The following KCNIP4 variants were observed in gnomAD, a reference collection of about 807,000 sequenced individuals.
KCNIP4 encodes potassium voltage-gated channel interacting protein 4, also known as Kv channel-interacting protein 4.
Under a neutral mutation model 34.0 loss-of-function variants are expected in KCNIP4, and 12 were observed. The observed-to-expected ratio is 0.35, with a 90% CI of 0.23 to 0.57. The LOEUF is 0.57. Among genes scored for constraint, KCNIP4 ranks in the 20% least tolerant of loss-of-function variants. The probability of loss-of-function intolerance (pLI) is 0.83; values close to 1 mark genes in which losing one functional copy is unlikely to be tolerated. For missense variants in KCNIP4, 238 were observed against 311.7 expected, an observed-to-expected ratio of 0.76 and a Z score of 1.78; for synonymous variants, 124 against 102.2, an observed-to-expected ratio of 1.21 and a Z score of -1.29.
chr4:21,013,650 A>G (rs1179252870), intron 1 of KCNIP4, among the ~76,000 whole-genome samples: 1 of 152,142 alleles, frequency 6.6e-6, no homozygotes, highest in Non-Finnish European at 1.5e-5. Context: ...CACAAGATAA[A>G]GCTTCTTTGA....
chr4:21,759,801 T>G (rs1717923500), intron 1 of KCNIP4, among the ~76,000 whole-genome samples: 1 of 152,052 alleles, frequency 6.6e-6, no homozygotes, highest in Admixed American at 6.6e-5. Flanking sequence ...CACCTGTCCT[T>G]GTAAACTGCT....
intron 1 of KCNIP4, among the ~76,000 whole-genome samples, chr4:21,508,449 C>A (rs1734035709): frequency 6.6e-6 from 1 of 152,178 alleles, no homozygotes; most frequent in Admixed American, 6.6e-5. Flanking sequence ...CCCTCTTCCA[C>A]CAAGTATGAG....
At chr4:20,997,794 A>G (rs1246693128) in intron 1 of KCNIP4, among the ~76,000 whole-genome samples, 1 of 152,200 alleles carries the variant, frequency 6.6e-6, no homozygotes, top group African/African-American at 2.4e-5. Flanking sequence ...ATTATTGCCA[A>G]GTACAAAAGA....
At chr4:21,126,403 A>G (rs1750615097) in intron 1 of KCNIP4, among the ~76,000 whole-genome samples, 1 of 152,066 alleles carries the variant, frequency 6.6e-6, no homozygotes, top group South Asian at 2.1e-4. Context: ...TGGTAGTGAG[A>G]GCGACTACAA....
chr4:21,601,454 T>G (rs1174494195), intron 1 of KCNIP4, among the ~76,000 whole-genome samples: 1 of 151,916 alleles, frequency 6.6e-6, no homozygotes, highest in Admixed American at 6.6e-5. Flanking sequence ...CACTCCAACT[T>G]AAATCACCAT....
chr4:20,735,291 G>T (rs936419679), intron 5 of KCNIP4, among the ~76,000 whole-genome samples: 2 of 152,066 alleles, frequency 1.3e-5, no homozygotes, highest in Non-Finnish European at 2.9e-5. Context: ...GTGTCTTCAG[G>T]CAACTTAACA....
chr4:20,924,951 G>C (rs1729750014), intron 1 of KCNIP4, among the ~76,000 whole-genome samples: 2 of 152,122 alleles, frequency 1.3e-5, no homozygotes, highest in African/African-American at 4.8e-5. Flanking sequence ...TATGGACTCA[G>C]TACACAGGAA....
At chr4:21,832,745 C>G (rs374030769) in intron 1 of KCNIP4, among the ~76,000 whole-genome samples, 1 of 114,466 alleles carries the variant, frequency 8.7e-6, no homozygotes, top group Admixed American at 9.8e-5. Context: ...CCCCCCTCCC[C>G]CCACCCCACA....
chr4:21,122,375 G>C (rs1750237494), intron 1 of KCNIP4, among the ~76,000 whole-genome samples: 1 of 148,928 alleles, frequency 6.7e-6, no homozygotes, highest in Non-Finnish European at 1.5e-5. Context: ...CAGTTATTCA[G>C]GGTTAAATTG....
At chr4:21,307,154 C>T (rs1712575932) in intron 1 of KCNIP4, among the ~76,000 whole-genome samples, 1 of 152,164 alleles carries the variant, frequency 6.6e-6, no homozygotes, top group African/African-American at 2.4e-5. Flanking sequence ...TATTGAAGAG[C>T]ATCAGAGTGA....
chr4:21,247,605 G>GTA (rs1269390474), intron 1 of KCNIP4, among the ~76,000 whole-genome samples: 18 of 116,288 alleles, frequency 1.5e-4, no homozygotes, highest in African/African-American at 6.1e-4. Context: ...ACCACAGATG[G>GTA]TATATATATT....
At chr4:20,949,462 G>T (rs948580515) in intron 1 of KCNIP4, among the ~76,000 whole-genome samples, 2 of 152,094 alleles carry the variant, frequency 1.3e-5, no homozygotes, top group Non-Finnish European at 1.5e-5. Flanking sequence ...ATTCCTCAGG[G>T]ATCTAGAACT....
intron 3 of KCNIP4, among the ~76,000 whole-genome samples, chr4:20,842,620 TGGTTTTAAGTA>T (rs1438168335): frequency 1.4e-5 from 2 of 141,184 alleles, no homozygotes; most frequent in African/African-American, 5.8e-5. Flanking sequence ...AGCCAGCAAT[TGGTTTTAAGTA>T]GGAACTGACT....
chr4:21,139,959 T>A (rs6448029), intron 1 of KCNIP4, among the ~76,000 whole-genome samples: 1 of 151,916 alleles, frequency 6.6e-6, no homozygotes, highest in African/African-American at 2.4e-5. Flanking sequence ...TCTAACATAC[T>A]GAGCTTCTCA....
chr4:21,430,931 A>T (rs1411863148), intron 1 of KCNIP4, among the ~76,000 whole-genome samples: 1 of 152,112 alleles, frequency 6.6e-6, no homozygotes, highest in Non-Finnish European at 1.5e-5. Flanking sequence ...TTTCCAAAAA[A>T]AAAAGGCATT....
At chr4:21,479,169 G>C (rs1000863078) in intron 1 of KCNIP4, among the ~76,000 whole-genome samples, 1 of 152,164 alleles carries the variant, frequency 6.6e-6, no homozygotes, top group East Asian at 1.9e-4. Context: ...GTATCTGCAG[G>C]GCATAAGTCT....
At chr4:21,885,907 C>T (rs972737771) in intron 1 of KCNIP4, among the ~76,000 whole-genome samples, 3 of 152,272 alleles carry the variant, frequency 2.0e-5, no homozygotes, top group East Asian at 3.9e-4. Flanking sequence ...AAAGGATAGA[C>T]ATCCGCTCTT....
In KCNIP4 at chr4:21,465,177, G is replaced by C. The variant is rs144580898; in HGVS notation, c.61+483394C>G. Among the ~76,000 whole-genome samples, 25 of 152,178 alleles carry C rather than the reference G, an allele frequency of 1.6e-4. No individual in the cohort carries two copies. In the East Asian group the frequency reaches 4.8e-3, roughly 30 times the overall value. On this transcript the variant is annotated intron_variant, in intron 1 of 8. Transcript: ENST00000382152. ...CACCCATTTATTTAGTCATTCATAA[G>C]CACTGAGTTGAATGCCTACTGTAAG...
At chr4:20,781,487 T>TA (rs1756863827) in intron 3 of KCNIP4, among the ~76,000 whole-genome samples, 1 of 152,188 alleles carries the variant, frequency 6.6e-6, no homozygotes, top group Non-Finnish European at 1.5e-5. Flanking sequence ...TAATTGGACG[T>TA]ACAGTTCCAC....
Sources: allele counts gnomAD v4.1 joint callset (sites outside exome capture counted in the v4.1 genomes callset), GRCh38; gene constraint gnomAD v4.1.1; transcripts MANE v1.5; gene names NCBI Gene and HGNC (gene_info 2026-07-23, HGNC 2026-07-21).